The following EPHB3 variants were observed in gnomAD, a reference collection of about 807,000 sequenced individuals.
EPHB3 encodes the protein ephrin type-B receptor 3.
A neutral mutation model predicts 100.2 loss-of-function variants in EPHB3; 33 were observed. The observed-to-expected ratio is 0.33, with a 90% CI of 0.25 to 0.44. The LOEUF is 0.44. Among genes scored for constraint, EPHB3 ranks in the 20% least tolerant of loss-of-function variants. The pLI, the probability that EPHB3 is intolerant of heterozygous loss-of-function variation, is 1.00. For missense variants in EPHB3, 1,045 were observed against 1,378.3 expected (o/e 0.76, Z 3.83); for synonymous variants, 526 against 554.7 (o/e 0.95, Z 0.73).
rs1417292568 is a variant in EPHB3 at position 184,562,341 on chromosome 3, C to T, written c.106C>T (p.Arg36Trp). The T allele has an allele frequency of 3.2e-6, 4 of 1,238,000 alleles. No homozygotes were observed. Among genetic ancestry groups the T allele is most frequent in the East Asian group, 6.8e-5 (2 of 29,540 alleles). The allele number at this position is 1,238,000 out of a possible 1,614,324, so 76.7% of individuals were successfully genotyped here. ...GCTGCTGCTGCTGCCCGCCGGCTGC[C>T]GGGCGCTGGAAGGTGAGCGGCGTCG... ...LPLLLLPAGC[R>W]ALEETLMDTK... is the part of the protein sequence containing the mutation. The change falls in exon 1 of 16, where the codon CGG (arginine) becomes TGG (tryptophan). Residue 36 changes from arginine (R) to tryptophan (W), a missense_variant. Physicochemically the swap from Arg to Trp is moderately radical, Grantham distance 101 (BLOSUM62 -3). Around this residue, in one of 2 missense-constraint regions of EPHB3, gnomAD observed 60 missense variants for 47.2 expected, o/e 1.27. Coordinates refer to ENST00000330394, the MANE Select transcript of EPHB3 (RefSeq NM_004443.4). This position sits in a 1 kb window ranked among gnomAD's most constrained non-coding sequence, Gnocchi z 4.8.
chr3:184,576,332 C>G (rs1213591724), intron 4 of EPHB3, among the ~76,000 whole-genome samples: 1 of 152,182 alleles, frequency 6.6e-6, no homozygotes, highest in Non-Finnish European at 1.5e-5. Flanking sequence ...GCCCCTCCGT[C>G]TGTATAGAAG....
Position 184,572,625 on chromosome 3 carries a change from T to TGCA in EPHB3, c.308_310dup (p.Gln103dup). 1 of 1,557,646 alleles carries TGCA rather than the reference T, an allele frequency of 6.4e-7. No individual in the cohort carries two copies. Among genetic ancestry groups the TGCA allele is most frequent in the Non-Finnish European group, 8.7e-7 (1 of 1,152,904 alleles). On this transcript the variant is annotated inframe_insertion, in exon 3 of 16. Transcript: ENST00000330394. This position sits in a 1 kb window ranked among gnomAD's most constrained non-coding sequence, Gnocchi z 6.6. ...ACGGGGTTCATCTGGCGGCGGGATG[T>TGCA]GCAGCGGGTCTACGTGGAGCTCAAG...
At position 184,576,989 on chromosome 3, in the gene EPHB3, C is replaced by T. The variant is rs752170254; in HGVS notation, c.1160C>T (p.Ser387Leu). The change falls in exon 5 of 16, where the codon TCA becomes TTA. Residue 387 changes from serine (S) to leucine (L), a missense_variant. Ser to Leu is a moderately radical substitution (Grantham distance 145, BLOSUM62 -2). This residue lies in a region of EPHB3 where 985 missense variants were observed against 1,331.1 expected (regional missense o/e 0.74). Transcript: ENST00000330394. ...AAGTGCCATGGGGCTGGAGGGGCCT[C>T]AGCCTGCTCACGCTGTGATGACAAC... ...CKKCHGAGGA[S>L]ACSRCDDNVE... 2.5e-6 allele frequency: 4 copies of T among 1,613,660 alleles called. No individual in the cohort carries two copies. The East Asian group carries it at 8.9e-5, about 36-fold the overall frequency.
Position 184,571,313 on chromosome 3 carries a change from T to A in EPHB3, c.119-5T>A, listed in dbSNP as rs1173492978. On this transcript the variant is annotated splice_region_variant and splice_polypyrimidine_tract_variant and intron_variant, in intron 1 of 15. Transcript: ENST00000330394. The surrounding 1 kb of genome is among the most constrained non-coding windows in gnomAD (Gnocchi z 5.0). The stretch of plus-strand genomic sequence containing the variant: ...CCCTGACCTTTTTCTCCGTTGTTCC[T>A]CCAGAGACCCTCATGGACACAAAAT... 3 of 1,613,846 alleles carry A rather than the reference T, an allele frequency of 1.9e-6. No homozygotes were observed. The East Asian group carries it at 6.7e-5, about 36-fold the overall frequency.
rs1035366518 is a variant in EPHB3, at chr3:184,577,247, C to T, written c.1354+64C>T. On this transcript the variant is annotated intron_variant, in intron 5 of 15. Transcript: ENST00000330394. The surrounding 1 kb of genome is among the most constrained non-coding windows in gnomAD (Gnocchi z 4.9). ...TTCTCCTGGATGAGGTGTCCCAGGA[C>T]CTGCTAAGGGACCACTGGGGGTCCC... 2 of 1,577,008 alleles carry T rather than the reference C, an allele frequency of 1.3e-6. No individual in the cohort carries two copies. Among genetic ancestry groups the T allele is most frequent in the Admixed American group, 3.5e-5 (2 of 57,138 alleles).
In EPHB3 at chr3:184,563,405, T is replaced by G. The variant is rs562590913; in HGVS notation, c.118+1052T>G. Among the ~76,000 whole-genome samples, 1 of 152,294 alleles carries G rather than the reference T, an allele frequency of 6.6e-6. No homozygotes were observed. The highest frequency in any genetic ancestry group is 2.1e-4 in the South Asian group (1 of 4,828). ...ACTTATTTGGGGTATCTTTAACAGA[T>G]CTAGTTACTTTCTTAGTTTAGGAAC... On this transcript the variant is annotated intron_variant, in intron 1 of 15. Coordinates refer to ENST00000330394, the MANE Select transcript of EPHB3 (RefSeq NM_004443.4). This position sits in a 1 kb window ranked among gnomAD's most constrained non-coding sequence, Gnocchi z 4.1.
Position 184,565,356 on chromosome 3 carries a change from G to T in EPHB3, c.118+3003G>T, listed in dbSNP as rs1203205205. On this transcript the variant is annotated intron_variant, in intron 1 of 15. Coordinates refer to ENST00000330394, the MANE Select transcript of EPHB3 (RefSeq NM_004443.4). The surrounding 1 kb of genome is among the most constrained non-coding windows in gnomAD (Gnocchi z 4.8). ...CTCAGGACCATCAACGGGTCAGGGG[G>T]TGGGGTCCAATGGGGAACAGACTAG... 6.6e-6 allele frequency among the ~76,000 whole-genome samples: 1 copy of T among 152,214 alleles called. No individual in the cohort carries two copies. The highest frequency in any genetic ancestry group is 6.5e-5 in the Admixed American group (1 of 15,288).
At position 184,562,381 on chromosome 3, in the gene EPHB3, G is replaced by A. The variant is rs115131679; in HGVS notation, c.118+28G>A. 0.23 allele frequency: 279,479 copies of A among 1,210,072 alleles called. 33,606 individuals carry two copies. Among genetic ancestry groups the A allele is most frequent in the Non-Finnish European group, 0.24 (235,023 of 975,050 alleles). 75.0% of individuals were successfully genotyped at this position (1,210,072 alleles called of 1,614,324 possible). A position where few individuals can be genotyped will look rare whatever the true frequency, so the allele number is the denominator to read the frequency against. ...GAGCGGCGTCGGGGGGCGCGCCCGGGAACAAGGTGCCTGGGGTCGCGGGGC... is the reference window on the plus strand; with the variant it reads ...GAGCGGCGTCGGGGGGCGCGCCCGGAAACAAGGTGCCTGGGGTCGCGGGGC... On this transcript the variant is annotated intron_variant, in intron 1 of 15. Coordinates refer to ENST00000330394, the MANE Select transcript of EPHB3 (RefSeq NM_004443.4). The surrounding 1 kb of genome is among the most constrained non-coding windows in gnomAD (Gnocchi z 4.8).
intron 1 of EPHB3, among the ~76,000 whole-genome samples, chr3:184,568,570 C>T (rs192317515): frequency 2.7e-4 from 41 of 152,244 alleles, no homozygotes; most frequent in South Asian, 6.2e-4. Flanking sequence ...TCTCCCAATA[C>T]CACGGACAGA....
chr3:184,581,865 G>C lies in EPHB3; in HGVS notation c.*243G>C, dbSNP rs954430221. ...GATGACCCCTCCCCAAGCCCCTCAG[G>C]GCCCAGACCTTCCTGCTCTCCAGCA... On this transcript the variant is annotated 3_prime_UTR_variant, in exon 16 of 16. Transcript: ENST00000330394. The C allele has an allele frequency of 4.3e-6, 2 of 466,012 alleles. No individual in the cohort carries two copies. The highest frequency in any genetic ancestry group is 7.8e-5 in the Admixed American group (2 of 25,674). 28.9% of individuals were successfully genotyped at this position (466,012 alleles called of 1,614,324 possible). A position where few individuals can be genotyped will look rare whatever the true frequency, so the allele number is the denominator to read the frequency against.
chr3:184,577,308 C>T lies in EPHB3; in HGVS notation c.1355-35C>T, dbSNP rs1714700893. The stretch of plus-strand genomic sequence containing the variant: ...GGTCTTTGGGAAGGATGCCAGGGTC[C>T]AGGGAGCCCCTGGTGAGCCCTCTGC... On this transcript the variant is annotated intron_variant, in intron 5 of 15. Transcript: ENST00000330394. The surrounding 1 kb of genome is among the most constrained non-coding windows in gnomAD (Gnocchi z 4.9). 6.2e-7 allele frequency: 1 copy of T among 1,606,566 alleles called. No homozygotes were observed. The highest frequency in any genetic ancestry group is 1.7e-5 in the Admixed American group (1 of 59,280).
At chr3:184,574,432 G>A (rs186386821) in intron 3 of EPHB3, among the ~76,000 whole-genome samples, 8 of 152,326 alleles carry the variant, frequency 5.3e-5, no homozygotes, top group African/African-American at 1.9e-4. Context: ...CACAGGCCTT[G>A]TAGCTAGGGA....
Position 184,577,447 on chromosome 3 carries a change from G to T in EPHB3, c.1459G>T (p.Glu487Ter). Residue 487 changes from glutamate to a stop codon, truncating the protein, a stop_gained, in exon 6 of 16, where the codon GAG (glutamate) becomes TAG (stop). Coordinates refer to ENST00000330394, the MANE Select transcript of EPHB3 (RefSeq NM_004443.4). LOFTEE classifies it high-confidence loss of function. The surrounding 1 kb of genome is among the most constrained non-coding windows in gnomAD (Gnocchi z 4.9). ...GCCCAACGGAGTCATCCTGGACTAC[G>T]AGATGAAGTACTTTGAGAAGGTCAG... Reference protein sequence around the residue: ...ERPNGVILDYEMKYFEKSEGI... With the variant: ...ERPNGVILDY 1 of 1,614,004 alleles carries T rather than the reference G, an allele frequency of 6.2e-7. No homozygotes were observed. Among genetic ancestry groups the T allele is most frequent in the South Asian group, 1.1e-5 (1 of 91,062 alleles).
At chr3:184,576,358 C>G (rs1056101424) in intron 4 of EPHB3, among the ~76,000 whole-genome samples, 11 of 152,164 alleles carry the variant, frequency 7.2e-5, no homozygotes, top group African/African-American at 2.7e-4. Context: ...CTCTCCAGCC[C>G]CACTCTAACC....
At position 184,572,829 on chromosome 3, in the gene EPHB3, A is replaced by T; in HGVS notation, c.509A>T (p.Asp170Val). The T allele has an allele frequency of 6.4e-7, 1 of 1,568,796 alleles. No homozygotes were observed. Among genetic ancestry groups the T allele is most frequent in the Non-Finnish European group, 8.6e-7 (1 of 1,157,344 alleles). Residue 170 changes from aspartate to valine, a missense_variant, in exon 3 of 16, where the codon GAT becomes GTT. Physicochemically the swap from Asp to Val is radical, Grantham distance 152. Around this residue, in one of 2 missense-constraint regions of EPHB3, gnomAD observed 985 missense variants for 1,331.1 expected, o/e 0.74. Transcript: ENST00000330394. The surrounding 1 kb of genome is among the most constrained non-coding windows in gnomAD (Gnocchi z 6.6). Reference sequence around the variant, plus strand: ...CCCGATGAGAGCTTCTCGCGGCTGGATGCCGGCCGTGTCAACACCAAGGTG... The same window carrying T: ...CCCGATGAGAGCTTCTCGCGGCTGGTTGCCGGCCGTGTCAACACCAAGGTG... ...IAPDESFSRL[D>V]AGRVNTKVRS...
At position 184,578,000 on chromosome 3, in the gene EPHB3, G is replaced by T. The variant is rs1430391535; in HGVS notation, c.1742G>T (p.Cys581Phe). 3 of 1,613,818 alleles carry T rather than the reference G, an allele frequency of 1.9e-6. No homozygotes were observed. The highest frequency in any genetic ancestry group is 2.2e-5 in the East Asian group (1 of 44,872). The part of the protein sequence containing the change: ...VVAVVVIAIV[C>F]LRKQRHGSDS... ...GCTGTCGTGGTCATCGCTATCGTCT[G>T]CCTCAGGTACTCCCAGGCCCACTGT... Residue 581 changes from cysteine to phenylalanine, a missense_variant, in exon 8 of 16, where the codon TGC (cysteine) becomes TTC (phenylalanine). By Grantham distance (205) the Cys-to-Phe change is radical. Transcript: ENST00000330394. This position sits in a 1 kb window ranked among gnomAD's most constrained non-coding sequence, Gnocchi z 4.9.
At chr3:184,580,298 G>T in intron 11 of EPHB3, 104 bp from the exon 12 acceptor site, 1 of 1,443,846 alleles carries the variant, frequency 6.9e-7, no homozygotes, top group East Asian at 2.3e-5. Context: ...CATGGTTGCA[G>T]GAGAGACGAG....
chr3:184,574,102 G>A (rs763740977), intron 3 of EPHB3, among the ~76,000 whole-genome samples: 16 of 152,164 alleles, frequency 1.1e-4, no homozygotes, highest in East Asian at 3.9e-4. Flanking sequence ...GGGCTGTAGC[G>A]AGGCTTCTTA....
rs1330816948 is a variant in EPHB3, at chr3:184,562,197, CCGGCGCGGCCCGGCT to C, written c.-34_-20del. ...TGCAGCCCCGCCGGCGCGGCCCGGCCCGGCGCGGCCCGGCTCGGCTCCTAGAGCTGCCACGGCCAT... is the reference window on the plus strand; with the variant it reads ...TGCAGCCCCGCCGGCGCGGCCCGGCCCGGCTCCTAGAGCTGCCACGGCCAT... On this transcript the variant is annotated 5_prime_UTR_variant, in exon 1 of 16. Transcript: ENST00000330394. This position sits in a 1 kb window ranked among gnomAD's most constrained non-coding sequence, Gnocchi z 4.8. 6 of 485,182 alleles carry C rather than the reference CCGGCGCGGCCCGGCT, an allele frequency of 1.2e-5. No homozygotes were observed. In the South Asian group the frequency reaches 4.3e-4, roughly 35 times the overall value. 30.1% of individuals were successfully genotyped at this position (485,182 alleles called of 1,614,324 possible). A position where few individuals can be genotyped will look rare whatever the true frequency, so the allele number is the denominator to read the frequency against.
Sources: gnomAD v4.1 joint callset for allele counts (sites outside exome capture counted in the v4.1 genomes callset) on GRCh38, gnomAD v4.1.1 for gene constraint, gnomAD v4.1.1 regional missense constraint, Gnocchi (gnomAD v3.1) non-coding constraint, MANE v1.5 for transcripts, NCBI Gene and HGNC (gene_info 2026-07-23, HGNC 2026-07-21) for gene names.